Variants in KIAA1210 observed in about 807,000 individuals in gnomAD.
The protein encoded by KIAA1210 is acrosomal protein KIAA1210.
KIAA1210 carries 48 observed loss-of-function variants against 78.9 expected under a neutral mutation model. The ratio of observed to expected loss-of-function variants is 0.61; its 90% CI spans 0.48 to 0.77. The LOEUF is 0.77. Ranked by LOEUF, KIAA1210 falls within the 30% of genes least tolerant of loss-of-function variation. The probability of loss-of-function intolerance (pLI) is 0.00; values close to 1 mark genes in which losing one functional copy is unlikely to be tolerated. For synonymous variants in KIAA1210, 406 were observed against 404.5 expected (o/e 1.00, Z -0.04); for missense variants, 1,108 against 1,100.0 (o/e 1.01, Z -0.10).
intron 6 of KIAA1210, among the ~76,000 whole-genome samples, chrX:119,097,878 C>T (rs1433958632): frequency 9.0e-6 from 1 of 111,610 alleles, no homozygotes; most frequent in South Asian, 3.8e-4. Flanking sequence ...GGATTGATCC[C>T]AAGATTTCCT....
chrX:119,140,120 T>C (rs958215066), intron 2 of KIAA1210, among the ~76,000 whole-genome samples: 4 of 112,698 alleles, frequency 3.5e-5, no homozygotes, highest in African/African-American at 1.3e-4. Flanking sequence ...AAGCCCTCCC[T>C]GAGTGGGCCA....
At chrX:119,146,043 C>T (rs1023149804) in intron 2 of KIAA1210, among the ~76,000 whole-genome samples, 14 of 112,135 alleles carry the variant, frequency 1.2e-4, no homozygotes, top group Non-Finnish European at 3.8e-5. Context: ...GCAATCACAT[C>T]GCATTTTACA....
At chrX:119,092,956 C>T (rs1206396706) in intron 8 of KIAA1210, among the ~76,000 whole-genome samples, 1 of 110,346 alleles carries the variant, frequency 9.1e-6, no homozygotes, top group African/African-American at 3.3e-5. Context: ...GTGGCAAAAA[C>T]GTAACATAAC....
chrX:119,085,345 C>G, intron 10 of KIAA1210, 38 bp downstream of exon 10: 1 of 1,164,715 alleles, frequency 8.6e-7, no homozygotes, highest in Non-Finnish European at 1.2e-6. Flanking sequence ...ATTCCAGCAA[C>G]CTTTTTGGAG....
At chrX:119,133,709 G>A (rs182593472) in intron 2 of KIAA1210, among the ~76,000 whole-genome samples, 9 of 102,664 alleles carry the variant, frequency 8.8e-5, no homozygotes, top group African/African-American at 2.9e-4. Context: ...TCGCTCTGTC[G>A]CCAGGCTGGA....
At chrX:119,098,980 G>C (rs1927649165) in intron 6 of KIAA1210, among the ~76,000 whole-genome samples, 1 of 111,831 alleles carries the variant, frequency 8.9e-6, no homozygotes, top group Non-Finnish European at 1.9e-5. Flanking sequence ...GATGTCATCA[G>C]AGCAAGCTCC....
At position 119,123,585 on chromosome X, in the gene KIAA1210, C is replaced by T. The variant is rs1008669191; in HGVS notation, c.58G>A (p.Glu20Lys). Residue 20 changes from glutamate (E) to lysine (K), a missense_variant, in exon 2 of 12, where the codon GAG becomes AAG. Transcript: ENST00000691062. ...AAAGTTTTATTGGGTTACTTACCCT[C>T]ATCACCGGCCTCCAGAACATCCAGA... ...DSLDVLEAGD[E>K]GKKKCKFKAL... is the part of the protein sequence containing the mutation. 1 of 1,191,866 alleles carries T rather than the reference C, an allele frequency of 8.4e-7. No individual in the cohort carries two copies. Among genetic ancestry groups the T allele is most frequent in the Non-Finnish European group, 1.1e-6 (1 of 878,889 alleles).
intron 11 of KIAA1210, 138 bp from the exon 12 acceptor site, chrX:119,081,642 C>T (rs765393771): frequency 6.5e-5 from 38 of 586,920 alleles, no homozygotes; most frequent in Non-Finnish European, 9.4e-5. Flanking sequence ...CTAAACTCTT[C>T]TCCCTTTGGT....
At chrX:119,081,546 A>C (rs1926968061) in intron 11 of KIAA1210, 42 bp from the exon 12 acceptor site, 2 of 1,141,590 alleles carry the variant, frequency 1.8e-6, no homozygotes, top group East Asian at 6.0e-5. Context: ...AAGGAACCCC[A>C]GCGATATTGG....
Position 119,081,352 on chromosome X carries a change from G to A in KIAA1210, c.4579C>T (p.His1527Tyr), listed in dbSNP as rs761695215. 5.0e-6 allele frequency: 6 copies of A among 1,203,904 alleles called. No homozygotes were observed. The highest frequency in any genetic ancestry group is 1.8e-5 in the South Asian group (1 of 55,396). The change falls in exon 12 of 12, where the codon CAC (histidine) becomes TAC (tyrosine). Residue 1527 changes from histidine to tyrosine, a missense_variant. By Grantham distance (83) the His-to-Tyr change is moderately conservative. Around this residue, in one of 5 missense-constraint regions of KIAA1210, gnomAD observed 245 missense variants for 278.8 expected, o/e 0.88. Coordinates refer to ENST00000691062, the MANE Select transcript of KIAA1210 (RefSeq NM_001394962.1). ...CTTTATTGCGTGATTTCTGCCATGTGGCTCCATGCTTTGGCTTTCTTCCTG... is the reference window on the plus strand; with the variant it reads ...CTTTATTGCGTGATTTCTGCCATGTAGCTCCATGCTTTGGCTTTCTTCCTG... ...LARKKAKAWS[H>Y]MAEITQ
chrX:119,096,696 G>A lies in KIAA1210; in HGVS notation c.649-5C>T. 8.5e-7 allele frequency: 1 copy of A among 1,181,246 alleles called. No homozygotes were observed. The highest frequency in any genetic ancestry group is 1.1e-6 in the Non-Finnish European group (1 of 875,594). On this transcript the variant is annotated splice_polypyrimidine_tract_variant and splice_region_variant and intron_variant, in intron 6 of 11. Coordinates refer to ENST00000691062, the MANE Select transcript of KIAA1210 (RefSeq NM_001394962.1). Reference sequence around the variant, plus strand: ...AGATGATAACTCAGAGAAGCTCTGGGGAAGGTGGGAGAAAATAGACGAGTC... The same window carrying A: ...AGATGATAACTCAGAGAAGCTCTGGAGAAGGTGGGAGAAAATAGACGAGTC...
chrX:119,140,957 G>A (rs377701379), intron 2 of KIAA1210, among the ~76,000 whole-genome samples: 7 of 112,160 alleles, frequency 6.2e-5, no homozygotes, highest in African/African-American at 9.7e-5. Context: ...TCCTCTTTCC[G>A]TTAACAGGTT....
chrX:119,131,738 C>A (rs138618887), upstream of KIAA1210, among the ~76,000 whole-genome samples: 971 of 111,922 alleles, frequency 8.7e-3, 16 homozygotes, highest in African/African-American at 0.03. Context: ...GACATGTGGC[C>A]TCTAGTAGCT....
upstream of KIAA1210, among the ~76,000 whole-genome samples, chrX:119,129,286 A>G: frequency 9.0e-6 from 1 of 111,375 alleles, no homozygotes; most frequent in Non-Finnish European, 1.9e-5. Context: ...GAAAAATTCA[A>G]TAAAATCCAC....
chrX:119,130,035 A>T (rs757266673), upstream of KIAA1210, among the ~76,000 whole-genome samples: 1 of 112,030 alleles, frequency 8.9e-6, no homozygotes, highest in Admixed American at 9.5e-5. Flanking sequence ...CTATACGTTT[A>T]TTTATGATAT....
In KIAA1210 at chrX:119,096,573, T is replaced by C. The variant is rs775499658; in HGVS notation, c.767A>G (p.Gln256Arg). 18 of 1,211,605 alleles carry C rather than the reference T, an allele frequency of 1.5e-5. No homozygotes were observed. Among genetic ancestry groups the C allele is most frequent in the Non-Finnish European group, 2.0e-5 (18 of 895,296 alleles). Residue 256 changes from glutamine to arginine, a missense_variant, in exon 7 of 12, where the codon CAG (glutamine) becomes CGG (arginine). Gln to Arg is a conservative substitution (Grantham distance 43). Coordinates refer to ENST00000691062, the MANE Select transcript of KIAA1210 (RefSeq NM_001394962.1). ...PIGFSTPATTQGCLDSSAARH... is the reference protein window; with the variant it reads ...PIGFSTPATTRGCLDSSAARH... ...AGCAGCTGAAGAATCCAAACAGCCCTGGGTGGTGGCTGGGGTGCTGAAACC... is the reference window on the plus strand; with the variant it reads ...AGCAGCTGAAGAATCCAAACAGCCCCGGGTGGTGGCTGGGGTGCTGAAACC...
chrX:119,140,098 G>C (rs1295017887), intron 2 of KIAA1210, among the ~76,000 whole-genome samples: 1 of 112,630 alleles, frequency 8.9e-6, no homozygotes, highest in Admixed American at 9.4e-5. Context: ...AGATTTTGCA[G>C]AGGCTCACTA....
At chrX:119,125,735 A>ATATATATATATATATATATATATATGT (rs5903546) in intron 1 of KIAA1210, among the ~76,000 whole-genome samples, 2 of 15,806 alleles carry the variant, frequency 1.3e-4, no homozygotes, top group Non-Finnish European at 2.0e-4. Context: ...ATATATATAT[A>ATATATATATATATATATATATATATGT]TTTTTTTTTT....
At chrX:119,144,509 C>A (rs1055023647) in intron 2 of KIAA1210, among the ~76,000 whole-genome samples, 4 of 111,783 alleles carry the variant, frequency 3.6e-5, no homozygotes, top group Non-Finnish European at 7.5e-5. Context: ...ACTATGATTA[C>A]CATTTTATTA....
Sources: allele counts gnomAD v4.1 joint callset (sites outside exome capture counted in the v4.1 genomes callset), GRCh38; gene constraint gnomAD v4.1.1; regional missense constraint gnomAD v4.1.1; transcripts MANE v1.5; gene names NCBI Gene and HGNC (gene_info 2026-07-23, HGNC 2026-07-21).